PRR5L: variants seen among roughly 807,000 people sequenced by gnomAD.
PRR5L encodes the protein proline-rich protein 5-like.
A neutral mutation model predicts 36.4 loss-of-function variants in PRR5L; 21 were observed. That is an observed-to-expected ratio of 0.58 (90% CI 0.41 to 0.83). PRR5L has a LOEUF of 0.83. Among genes scored for constraint, PRR5L ranks in the 40% least tolerant of loss-of-function variants. The probability of loss-of-function intolerance (pLI) is 0.00; values close to 1 mark genes in which losing one functional copy is unlikely to be tolerated. For missense variants in PRR5L, 381 were observed against 473.3 expected (o/e 0.80, Z 1.81); for synonymous variants, 188 against 197.0 (o/e 0.95, Z 0.38).
chr11:36,381,665 T>G (rs1047017592), intron 1 of PRR5L: 1 of 152,172 alleles, frequency 6.6e-6, no homozygotes, highest in African/African-American at 2.4e-5. Flanking sequence ...CCACATCGAC[T>G]GCTGCCATCA....
At chr11:36,337,670 C>A (rs1363509672) in intron 1 of PRR5L, among the ~76,000 whole-genome samples, 2 of 152,216 alleles carry the variant, frequency 1.3e-5, no homozygotes, top group Non-Finnish European at 2.9e-5. Flanking sequence ...GTCCTTCCTG[C>A]ACAGTTGCTG....
At chr11:36,366,213 ACTT>A (rs1346690153) in intron 1 of PRR5L, among the ~76,000 whole-genome samples, 1 of 152,020 alleles carries the variant, frequency 6.6e-6, no homozygotes, top group Non-Finnish European at 1.5e-5. Flanking sequence ...TTTAATCTCA[ACTT>A]CTTCATCTAT....
chr11:36,350,284 T>G (rs1481382171), intron 1 of PRR5L, among the ~76,000 whole-genome samples: 1 of 149,606 alleles, frequency 6.7e-6, no homozygotes, highest in African/African-American at 2.5e-5. Context: ...TGTGAGTCTG[T>G]GAATGTGAGA....
At chr11:36,456,722 C>T (rs1418667839) in intron 8 of PRR5L, among the ~76,000 whole-genome samples, 1 of 152,232 alleles carries the variant, frequency 6.6e-6, no homozygotes, top group Non-Finnish European at 1.5e-5. Flanking sequence ...AGTGGAGCAC[C>T]TCCTTTTTGG....
At chr11:36,352,609 G>A (rs139752360) in intron 1 of PRR5L, among the ~76,000 whole-genome samples, 22 of 152,230 alleles carry the variant, frequency 1.4e-4, no homozygotes, top group African/African-American at 4.6e-4. Flanking sequence ...TTCAGGACCA[G>A]TAATTAGATC....
intron 1 of PRR5L, among the ~76,000 whole-genome samples, chr11:36,350,533 T>A (rs1005404066): frequency 6.6e-6 from 1 of 152,112 alleles, no homozygotes; most frequent in Non-Finnish European, 1.5e-5. Context: ...TGTTTATTTA[T>A]TTTTTCTTTT....
chr11:36,337,306 C>G (rs1342348940), intron 1 of PRR5L, among the ~76,000 whole-genome samples: 3 of 152,190 alleles, frequency 2.0e-5, no homozygotes, highest in Non-Finnish European at 4.4e-5. Flanking sequence ...GAGAAGTCTA[C>G]TTGCCCCTTC....
intron 1 of PRR5L, among the ~76,000 whole-genome samples, chr11:36,298,918 G>A (rs10836530): frequency 0.32 from 48,180 of 152,054 alleles, 8,493 homozygotes; most frequent in Non-Finnish European, 0.39. Context: ...CTTCTTATAA[G>A]GACAGCAGTC....
chr11:36,382,534 A>C (rs990206129), intron 1 of PRR5L, among the ~76,000 whole-genome samples: 7 of 152,192 alleles, frequency 4.6e-5, no homozygotes, highest in Admixed American at 3.3e-4. Context: ...TGGTGCCAGA[A>C]TGTCTAAGAA....
chr11:36,388,154 T>G (rs1421327524), intron 1 of PRR5L: 5 of 152,258 alleles, frequency 3.3e-5, no homozygotes, highest in African/African-American at 1.2e-4. Flanking sequence ...AATTGGTTCT[T>G]CCTTTCATCT....
chr11:36,382,976 G>T (rs187099072), intron 1 of PRR5L, among the ~76,000 whole-genome samples: 5 of 152,216 alleles, frequency 3.3e-5, no homozygotes, highest in Admixed American at 2.0e-4. Flanking sequence ...AGATGGCCTG[G>T]AATTCTTCTC....
chr11:36,383,700 T>C (rs113229531), intron 1 of PRR5L, among the ~76,000 whole-genome samples: 5 of 139,952 alleles, frequency 3.6e-5, no homozygotes, highest in African/African-American at 1.5e-4. Context: ...TTTTCCTTTT[T>C]TTTTTTTTTT....
chr11:36,362,695 C>T (rs1294122446), intron 1 of PRR5L, among the ~76,000 whole-genome samples: 1 of 152,188 alleles, frequency 6.6e-6, no homozygotes, highest in Non-Finnish European at 1.5e-5. Context: ...TTCCTCCTTC[C>T]TTCCATAAAA....
intron 8 of PRR5L, among the ~76,000 whole-genome samples, chr11:36,457,094 G>A (rs1377063317): frequency 6.6e-6 from 1 of 152,182 alleles, no homozygotes; most frequent in African/African-American, 2.4e-5. Context: ...ATCCCAGTGG[G>A]CTGGGACCTG....
At chr11:36,419,115 G>A (rs1372737458) in intron 3 of PRR5L, 140 bp from the exon 4 acceptor site, 8 of 740,082 alleles carry the variant, frequency 1.1e-5, no homozygotes, top group Admixed American at 9.5e-5. Flanking sequence ...TAACAATGGG[G>A]GAAGGGGGAC....
At chr11:36,440,048 AT>A (rs1858688082) in intron 6 of PRR5L, among the ~76,000 whole-genome samples, 1 of 152,166 alleles carries the variant, frequency 6.6e-6, no homozygotes, top group Admixed American at 6.5e-5. Flanking sequence ...GCTCTGGTTA[AT>A]GGCCCCAAAT....
At chr11:36,426,234 AC>A (rs1858379445) in intron 4 of PRR5L, 1 of 152,248 alleles carries the variant, frequency 6.6e-6, no homozygotes, top group South Asian at 2.1e-4. Flanking sequence ...GTCTAAAAGC[AC>A]CAGCCCTTCT....
At chr11:36,351,519 A>T (rs111219061) in intron 1 of PRR5L, among the ~76,000 whole-genome samples, 131 of 7,846 alleles carry the variant, frequency 0.017, 17 homozygotes, top group Middle Eastern at 0.33. Flanking sequence ...ATTTATATAT[A>T]TTTATATATT....
intron 1 of PRR5L, among the ~76,000 whole-genome samples, chr11:36,353,632 T>TG (rs1491552321): frequency 1.3e-5 from 2 of 152,142 alleles, no homozygotes; most frequent in African/African-American, 4.8e-5. Context: ...GGGATGAAAC[T>TG]GTTCCACCTC....
Sources: gnomAD v4.1 joint callset for allele counts (sites outside exome capture counted in the v4.1 genomes callset) on GRCh38, gnomAD v4.1.1 for gene constraint, MANE v1.5 for transcripts, NCBI Gene and HGNC (gene_info 2026-07-23, HGNC 2026-07-21) for gene names.